SMAD6: variants seen among roughly 807,000 people sequenced by gnomAD.
SMAD6 encodes SMAD family member 6.
In SMAD6, 103 loss-of-function variants were observed where a neutral mutation model predicts 39.4. The observed-to-expected ratio is 2.62, with a 90% CI of 2.23 to 3.08. The LOEUF (loss-of-function observed/expected upper bound fraction) is 3.08. Ranked by LOEUF, SMAD6 falls within the 30% of genes most tolerant of loss-of-function variation. The pLI, the probability that SMAD6 is intolerant of heterozygous loss-of-function variation, is 0.00. For missense variants in SMAD6, 1,104 were observed against 742.9 expected, an observed-to-expected ratio of 1.49 and a Z score of -5.65; for synonymous variants, 445 against 353.3, an observed-to-expected ratio of 1.26 and a Z score of -2.91.
rs373836386 is a variant in SMAD6, at chr15:66,781,341, G to A, written c.1297G>A (p.Gly433Ser). Residue 433 changes from glycine (G) to serine (S), a missense_variant, in exon 4 of 4, where the codon GGC becomes AGC. Transcript: ENST00000288840. ...CCTGGTCGTGCGCAAGGTGCCCCCC[G>A]GCTACTCCATCAAGGTGTTCGACTT... is the stretch of plus-strand genomic sequence containing the variant. The part of the protein sequence containing the change: ...RALVVRKVPP[G>S]YSIKVFDFER... The A allele has an allele frequency of 5.2e-5, 83 of 1,598,764 alleles. No individual in the cohort carries two copies. Among genetic ancestry groups the A allele is most frequent in the Non-Finnish European group, 6.9e-5 (81 of 1,174,458 alleles).
chr15:66,714,560 C>T (rs1893291824), intron 2 of SMAD6, among the ~76,000 whole-genome samples: 1 of 152,158 alleles, frequency 6.6e-6, no homozygotes, highest in Non-Finnish European at 1.5e-5. Flanking sequence ...GTATAGTTCA[C>T]AAAGCTGAAA....
chr15:66,711,669 A>G lies in SMAD6; in HGVS notation c.819A>G (p.Glu273=), dbSNP rs1479774051. ...GACATGCTGTCTCCTGTCTTCCAGA[A>G]TCTCCGCCACCTCCCTACTCTCGGC... ...PYHFSRLCGP[E]SPPPPYSRLS... Residue 273 remains glutamate, a splice_region_variant and synonymous_variant, in exon 2 of 4, where the codon GAA becomes GAG. Transcript: ENST00000288840. 4 of 1,613,756 alleles carry G rather than the reference A, an allele frequency of 2.5e-6. No individual in the cohort carries two copies. The highest frequency in any genetic ancestry group is 3.4e-6 in the Non-Finnish European group (4 of 1,179,726).
chr15:66,761,852 T>C (rs926834725), intron 3 of SMAD6, among the ~76,000 whole-genome samples: 1 of 152,174 alleles, frequency 6.6e-6, no homozygotes, highest in Non-Finnish European at 1.5e-5. Flanking sequence ...CCCTGTACTT[T>C]TCAGAGCTTT....
At chr15:66,749,319 A>G (rs1409444552) in intron 3 of SMAD6, among the ~76,000 whole-genome samples, 2 of 152,126 alleles carry the variant, frequency 1.3e-5, no homozygotes, top group Admixed American at 6.6e-5. Context: ...TTAGCCAGGC[A>G]TGGTGGTGGG....
chr15:66,757,398 C>G (rs1550471), intron 3 of SMAD6, among the ~76,000 whole-genome samples: 80,140 of 151,936 alleles, frequency 0.53, 21,578 homozygotes, highest in East Asian at 0.75. Flanking sequence ...GAGTCCCCCA[C>G]AATGACAGAG....
At chr15:66,727,086 C>A (rs1893534623) in intron 3 of SMAD6, among the ~76,000 whole-genome samples, 3 of 140,978 alleles carry the variant, frequency 2.1e-5, no homozygotes, top group Non-Finnish European at 4.6e-5. Context: ...TGTGCTGGCT[C>A]TTTTTTCTTC....
chr15:66,707,650 G>C (rs1893144058), intron 1 of SMAD6: 1 of 152,322 alleles, frequency 6.6e-6, no homozygotes, highest in Non-Finnish European at 1.5e-5. Context: ...CTGGCTGCCA[G>C]GGGAATCTGG....
At chr15:66,709,324 A>G (rs977336410) in intron 1 of SMAD6, among the ~76,000 whole-genome samples, 1 of 152,204 alleles carries the variant, frequency 6.6e-6, no homozygotes, top group African/African-American at 2.4e-5. Context: ...GTTCAGGTTC[A>G]TAGATTTTCT....
At chr15:66,715,030 CTTT>C (rs5813400) in intron 2 of SMAD6, among the ~76,000 whole-genome samples, 8,552 of 132,130 alleles carry the variant, frequency 0.065, 453 homozygotes, top group African/African-American at 0.14. Flanking sequence ...GAGCACTGAG[CTTT>C]TTTTTTTTTT....
chr15:66,715,030 C>CTTTT (rs5813400), intron 2 of SMAD6, among the ~76,000 whole-genome samples: 14 of 132,152 alleles, frequency 1.1e-4, no homozygotes, highest in East Asian at 8.8e-4. Flanking sequence ...GAGCACTGAG[C>CTTTT]TTTTTTTTTT....
Position 66,782,029 on chromosome 15 carries a change from T to C in SMAD6, c.*494T>C. 2.5e-6 allele frequency: 1 copy of C among 398,670 alleles called. No individual in the cohort carries two copies. The highest frequency in any genetic ancestry group is 4.4e-6 in the Non-Finnish European group (1 of 225,970). 24.7% of individuals were successfully genotyped at this position (398,670 alleles called of 1,614,324 possible). A position where few individuals can be genotyped will look rare whatever the true frequency, so the allele number is the denominator to read the frequency against. On this transcript the variant is annotated 3_prime_UTR_variant, in exon 4 of 4. Transcript: ENST00000288840. ...TCTTCTTTTTACAAAGAGGGGCAGG[T>C]AGGGCTTCAGCGGATTTCTGACCCA...
At chr15:66,721,402 C>T (rs1893429707) in intron 3 of SMAD6, among the ~76,000 whole-genome samples, 1 of 97,330 alleles carries the variant, frequency 1.0e-5, no homozygotes, top group Non-Finnish European at 2.1e-5. Flanking sequence ...TCTCGTCCAA[C>T]AACACCCTCA....
In SMAD6 at chr15:66,782,015, CA is replaced by C. The variant is rs990965692; in HGVS notation, c.*483del. On this transcript the variant is annotated 3_prime_UTR_variant, in exon 4 of 4. Coordinates refer to ENST00000288840, the MANE Select transcript of SMAD6 (RefSeq NM_005585.5). Reference sequence around the variant, plus strand: ...TTTTTTTTAAACTGTCTTCTTTTTACAAAGAGGGGCAGGTAGGGCTTCAGCG... The same window carrying C: ...TTTTTTTTAAACTGTCTTCTTTTTACAAGAGGGGCAGGTAGGGCTTCAGCG... 6.0e-5 allele frequency: 24 copies of C among 398,622 alleles called. No individual in the cohort carries two copies. The highest frequency in any genetic ancestry group is 4.5e-4 in the African/African-American group (22 of 48,600). 24.7% of individuals were successfully genotyped at this position (398,622 alleles called of 1,614,324 possible).
intron 3 of SMAD6, among the ~76,000 whole-genome samples, chr15:66,743,406 C>T (rs1486029553): frequency 2.2e-5 from 3 of 136,776 alleles, no homozygotes; most frequent in African/African-American, 7.6e-5. Flanking sequence ...TGGGTACATA[C>T]CTGAAAAAGC....
At chr15:66,708,414 C>G (rs1460766125) in intron 1 of SMAD6, 1 of 224,900 alleles carries the variant, frequency 4.4e-6, no homozygotes, top group Non-Finnish European at 9.3e-6. Flanking sequence ...TGGGGCTCCA[C>G]CAGTCCAGAT....
intron 3 of SMAD6, among the ~76,000 whole-genome samples, chr15:66,776,476 T>C (rs1421854432): frequency 3.9e-5 from 6 of 152,250 alleles, no homozygotes; most frequent in Admixed American, 3.9e-4. Flanking sequence ...AGTTTATCGA[T>C]GGCCACATAT....
At chr15:66,754,933 G>T (rs574985990) in intron 3 of SMAD6, among the ~76,000 whole-genome samples, 2 of 152,282 alleles carry the variant, frequency 1.3e-5, no homozygotes, top group East Asian at 3.9e-4. Flanking sequence ...TAAGATTCCA[G>T]TAGGGGCTGA....
chr15:66,774,365 C>G (rs1481443663), intron 3 of SMAD6, among the ~76,000 whole-genome samples: 1 of 152,226 alleles, frequency 6.6e-6, no homozygotes, highest in Non-Finnish European at 1.5e-5. Context: ...TCCCTGCACC[C>G]CCACAAAATT....
Position 66,716,435 on chromosome 15 carries a change from A to C in SMAD6, c.889A>C (p.Thr297Pro). 2 of 1,613,178 alleles carry C rather than the reference A, an allele frequency of 1.2e-6. No individual in the cohort carries two copies. The highest frequency in any genetic ancestry group is 1.7e-6 in the Non-Finnish European group (2 of 1,179,092). Residue 297 changes from threonine (T) to proline (P), a missense_variant, in exon 3 of 4, where the codon ACA (threonine) becomes CCA (proline). Physicochemically the swap from Thr to Pro is conservative, Grantham distance 38. Transcript: ENST00000288840. Reference sequence around the variant, plus strand: ...TCCTCCCACAGATCTGTCCGATTCCACATTGTCTTACACTGAAACGGAGGC... The same window carrying C: ...TCCTCCCACAGATCTGTCCGATTCCCCATTGTCTTACACTGAAACGGAGGC... ...EYKPLDLSDS[T>P]LSYTETEATN... is the part of the protein sequence containing the mutation.
Sources: gnomAD v4.1 joint callset for allele counts (sites outside exome capture counted in the v4.1 genomes callset) on GRCh38, gnomAD v4.1.1 for gene constraint, MANE v1.5 for transcripts, NCBI Gene and HGNC (gene_info 2026-07-23, HGNC 2026-07-21) for gene names.